The following HMG20A variants were observed in gnomAD, a reference collection of about 807,000 sequenced individuals.
HMG20A encodes the protein high mobility group 20A.
In HMG20A, 17 loss-of-function variants were observed where a neutral mutation model predicts 43.9. That is an observed-to-expected ratio of 0.39 (90% CI 0.27 to 0.58). The LOEUF (loss-of-function observed/expected upper bound fraction) is 0.58. HMG20A is among the 20% of genes least tolerant of loss of function. HMG20A has a pLI of 0.59. For missense variants in HMG20A, 341 were observed against 438.2 expected, an observed-to-expected ratio of 0.78 and a Z score of 1.98; for synonymous variants, 132 against 147.5, an observed-to-expected ratio of 0.89 and a Z score of 0.76.
chr15:77,459,571 G>A (rs1019241930), intron 2 of HMG20A, among the ~76,000 whole-genome samples: 8 of 152,182 alleles, frequency 5.3e-5, no homozygotes, highest in Non-Finnish European at 8.8e-5. Context: ...TAATGAGAAA[G>A]TGACTTCAAT....
intron 1 of HMG20A, among the ~76,000 whole-genome samples, chr15:77,422,544 A>G (rs2073378950): frequency 6.6e-6 from 1 of 152,116 alleles, no homozygotes; most frequent in Non-Finnish European, 1.5e-5. Context: ...TGAACCCGGG[A>G]GGCGGAGGTT....
At chr15:77,509,871 C>T in the HMG20A span, among the ~76,000 whole-genome samples, 4 of 150,718 alleles carry the variant, frequency 2.7e-5, no homozygotes, top group East Asian at 3.9e-4. Context: ...TGCACCACTG[C>T]GCTCCAGCCT....
the HMG20A span, among the ~76,000 whole-genome samples, chr15:77,502,629 G>A: frequency 2.6e-5 from 4 of 152,162 alleles, no homozygotes; most frequent in South Asian, 6.2e-4. Context: ...ATCTTGTATA[G>A]CAGGGCCCAG....
chr15:77,445,378 G>A (rs1361128260), intron 1 of HMG20A, among the ~76,000 whole-genome samples: 1 of 152,136 alleles, frequency 6.6e-6, no homozygotes, highest in Non-Finnish European at 1.5e-5. Context: ...AGATACTAGG[G>A]ACCTTTGTTA....
the HMG20A span, among the ~76,000 whole-genome samples, chr15:77,517,179 A>T: frequency 6.6e-6 from 1 of 152,116 alleles, no homozygotes; most frequent in Non-Finnish European, 1.5e-5. Flanking sequence ...GCCTACTCCC[A>T]TCCCTGCGGA....
chr15:77,479,470 T>A (rs2072887667), intron 9 of HMG20A, 149 bp downstream of exon 9: 1 of 701,042 alleles, frequency 1.4e-6, no homozygotes, highest in East Asian at 2.8e-5. Flanking sequence ...GGTTGTTAAA[T>A]GTAGTAAATA....
intron 1 of HMG20A, among the ~76,000 whole-genome samples, chr15:77,448,156 C>T (rs1208185280): frequency 1.3e-5 from 2 of 152,182 alleles, no homozygotes; most frequent in Non-Finnish European, 2.9e-5. Flanking sequence ...TTGTTGCAGT[C>T]GCTTCCCAAA....
At chr15:77,421,094 G>C in intron 1 of HMG20A, 90 bp downstream of exon 1, 1 of 395,198 alleles carries the variant, frequency 2.5e-6, no homozygotes, top group Non-Finnish European at 4.5e-6. Context: ...TGGTGGTACT[G>C]GTTTGTCTCA....
the HMG20A span, among the ~76,000 whole-genome samples, chr15:77,493,812 G>A: frequency 1.1e-3 from 164 of 152,338 alleles, 1 homozygote; most frequent in African/African-American, 3.8e-3. Flanking sequence ...CAGTTACAGA[G>A]ACAACGACTA....
chr15:77,514,500 G>T, the HMG20A span, among the ~76,000 whole-genome samples: 1 of 152,220 alleles, frequency 6.6e-6, no homozygotes, highest in Non-Finnish European at 1.5e-5. Context: ...CATGTAAGAT[G>T]TGGATGGTTT....
intron 1 of HMG20A, among the ~76,000 whole-genome samples, chr15:77,443,765 G>A (rs899107940): frequency 7.2e-5 from 11 of 152,014 alleles, no homozygotes; most frequent in African/African-American, 2.2e-4. Flanking sequence ...GAGTGCAGTG[G>A]CACGATAATG....
chr15:77,469,005 C>G (rs147086093), intron 4 of HMG20A, among the ~76,000 whole-genome samples: 7 of 151,690 alleles, frequency 4.6e-5, no homozygotes, highest in Non-Finnish European at 8.8e-5. Flanking sequence ...GCTGCTTTTA[C>G]CTTTAACAGA....
chr15:77,501,909 G>A, the HMG20A span, among the ~76,000 whole-genome samples: 3 of 152,162 alleles, frequency 2.0e-5, no homozygotes, highest in Non-Finnish European at 4.4e-5. Flanking sequence ...AACACCAGAT[G>A]CCTTAACCAT....
the HMG20A span, among the ~76,000 whole-genome samples, chr15:77,498,109 G>A: frequency 2.2e-4 from 33 of 152,084 alleles, no homozygotes; most frequent in African/African-American, 7.7e-4. Flanking sequence ...CTCTGCTGGA[G>A]AAAGTGCGTG....
rs34114445 is a variant in HMG20A, at chr15:77,456,634, C to CAA, written c.-4-1750_-4-1749dup. Among the ~76,000 whole-genome samples, 75 of 95,332 alleles carry CAA rather than the reference C, an allele frequency of 7.9e-4. 1 individual carries two copies. The highest frequency in any genetic ancestry group is 5.3e-3 in the Middle Eastern group (1 of 188). 62.5% of individuals were successfully genotyped at this position (95,332 alleles called of 152,430 possible). On this transcript the variant is annotated intron_variant, in intron 1 of 9. Coordinates refer to ENST00000336216, the MANE Select transcript of HMG20A (RefSeq NM_001304504.2). Reference sequence around the variant, plus strand: ...GGCGTGGGCAACAGAGCGAGACTGTCAAAAAAAAAAAAAAAAAAAAAGCCA... The same window carrying CAA: ...GGCGTGGGCAACAGAGCGAGACTGTCAAAAAAAAAAAAAAAAAAAAAAAGCCA...
chr15:77,466,381 CA>C lies in HMG20A; in HGVS notation c.238-704del, dbSNP rs561614194. On this transcript the variant is annotated intron_variant, in intron 3 of 9. Coordinates refer to ENST00000336216, the MANE Select transcript of HMG20A (RefSeq NM_001304504.2). ...GGGCAAGAAGAGCAAAACTCTACCTCAAAAAAAAAATTAAAATAAAATGTAC... is the reference window on the plus strand; with the variant it reads ...GGGCAAGAAGAGCAAAACTCTACCTCAAAAAAAAATTAAAATAAAATGTAC... Among the ~76,000 whole-genome samples, 1,103 of 147,838 alleles carry C rather than the reference CA, an allele frequency of 7.5e-3. 14 individuals carry two copies. The highest frequency in any genetic ancestry group is 0.026 in the African/African-American group (1,046 of 40,280).
intron 6 of HMG20A, among the ~76,000 whole-genome samples, chr15:77,475,766 A>G (rs2072848852): frequency 6.6e-6 from 1 of 152,216 alleles, no homozygotes; most frequent in Non-Finnish European, 1.5e-5. Context: ...GGAAGCCAGC[A>G]AATTTGAGAG....
chr15:77,514,154 AC>A, the HMG20A span, among the ~76,000 whole-genome samples: 1 of 152,214 alleles, frequency 6.6e-6, no homozygotes, highest in African/African-American at 2.4e-5. Flanking sequence ...CCACAACACT[AC>A]TCAAATGCCC....
At chr15:77,513,350 C>A in the HMG20A span, among the ~76,000 whole-genome samples, 10 of 152,250 alleles carry the variant, frequency 6.6e-5, no homozygotes, top group Middle Eastern at 6.8e-3. Context: ...CCCTATGACC[C>A]ACTCCTGGGG....
Sources: allele counts gnomAD v4.1 joint callset (sites outside exome capture counted in the v4.1 genomes callset), GRCh38; gene constraint gnomAD v4.1.1; transcripts MANE v1.5; gene names NCBI Gene and HGNC (gene_info 2026-07-23, HGNC 2026-07-21).